QNG1: variants seen among roughly 807,000 people sequenced by gnomAD.
The protein encoded by QNG1 is queuosine 5'-phosphate N-glycosylase/hydrolase.
At chr9:83,955,363 C>CAGAAGCAACAGAAG in the QNG1 span, 1 of 1,606,814 alleles carries the variant, frequency 6.2e-7, no homozygotes, top group South Asian at 1.1e-5. Flanking sequence ...TCTAAAATCC[C>CAGAAGCAACAGAAG]CAACAGAAGC....
the QNG1 span, among the ~76,000 whole-genome samples, chr9:83,946,525 A>C: frequency 1.3e-5 from 2 of 152,218 alleles, no homozygotes; most frequent in Non-Finnish European, 2.9e-5. Flanking sequence ...ATATGAAAAT[A>C]AAATAGCCAA....
chr9:83,948,069 A>C, the QNG1 span, among the ~76,000 whole-genome samples: 3 of 148,942 alleles, frequency 2.0e-5, no homozygotes, highest in African/African-American at 7.5e-5. Flanking sequence ...AGAAGTGAGG[A>C]GCGTCTCTGC....
chr9:83,944,712 G>A, the QNG1 span: 1 of 1,088,762 alleles, frequency 9.2e-7, no homozygotes, highest in Non-Finnish European at 1.3e-6. Context: ...TTTTTTTAAA[G>A]CAAAGGAGAC....
the QNG1 span, chr9:83,955,752 C>T: frequency 1.0e-6 from 1 of 993,086 alleles, no homozygotes; most frequent in East Asian, 2.4e-5. Flanking sequence ...TATAGGAATG[C>T]ACCAAAAGTG....
the QNG1 span, chr9:83,955,587 G>A: frequency 6.2e-7 from 1 of 1,614,100 alleles, no homozygotes; most frequent in Non-Finnish European, 8.5e-7. Flanking sequence ...AGTATATTCC[G>A]AACCTGATCC....
At chr9:83,952,344 T>A in the QNG1 span, among the ~76,000 whole-genome samples, 7 of 152,238 alleles carry the variant, frequency 4.6e-5, no homozygotes, top group Non-Finnish European at 1.0e-4. Flanking sequence ...AGAAATGGTT[T>A]CTGTACCAAT....
chr9:83,949,538 C>T, the QNG1 span, among the ~76,000 whole-genome samples: 3 of 152,036 alleles, frequency 2.0e-5, no homozygotes, highest in Admixed American at 6.6e-5. Context: ...CCCAGCTACT[C>T]GGGAGGCTGA....
the QNG1 span, among the ~76,000 whole-genome samples, chr9:83,948,158 G>T: frequency 6.6e-6 from 1 of 151,128 alleles, no homozygotes; most frequent in Non-Finnish European, 1.5e-5. Flanking sequence ...GCCTCTGTCC[G>T]GCCGCGACCC....
At chr9:83,956,422 C>T in the QNG1 span, 1 of 1,580,726 alleles carries the variant, frequency 6.3e-7, no homozygotes, top group Non-Finnish European at 8.6e-7. Flanking sequence ...CTCCGTACGC[C>T]TCCGCTGTCA....
At chr9:83,943,223 C>T in the QNG1 span, among the ~76,000 whole-genome samples, 5 of 151,038 alleles carry the variant, frequency 3.3e-5, no homozygotes, top group Non-Finnish European at 7.4e-5. Flanking sequence ...GCCTGTAATC[C>T]CAACTACTCA....
chr9:83,939,524 C>T, the QNG1 span: 7 of 1,611,444 alleles, frequency 4.3e-6, no homozygotes, highest in Non-Finnish European at 5.9e-6. Flanking sequence ...ATAATATATG[C>T]AACGTATGCG....
chr9:83,948,588 G>A, the QNG1 span, among the ~76,000 whole-genome samples: 11 of 152,352 alleles, frequency 7.2e-5, no homozygotes, highest in African/African-American at 2.4e-4. Flanking sequence ...CCACGTCTGG[G>A]AGGCATGCCC....
chr9:83,943,836 AC>A, the QNG1 span, among the ~76,000 whole-genome samples: 6 of 152,078 alleles, frequency 3.9e-5, no homozygotes, highest in African/African-American at 1.4e-4. Context: ...CCTGGCTAAC[AC>A]GGTGAAACCC....
the QNG1 span, among the ~76,000 whole-genome samples, chr9:83,943,331 C>CAAAAAAAAAAAAAAAAAAAA: frequency 1.6e-5 from 1 of 62,550 alleles, no homozygotes; most frequent in African/African-American, 5.1e-5. Flanking sequence ...CAGAGCGTCT[C>CAAAAAAAAAAAAAAAAAAAA]AAAAAAAAAA....
the QNG1 span, chr9:83,938,689 TAA>T: frequency 2.4e-4 from 35 of 148,756 alleles, no homozygotes; most frequent in African/African-American, 8.7e-4. Flanking sequence ...AAAAAAAACA[TAA>T]GTCAAAACTA....
the QNG1 span, among the ~76,000 whole-genome samples, chr9:83,942,777 G>A: frequency 1.3e-5 from 2 of 152,258 alleles, no homozygotes; most frequent in South Asian, 2.1e-4. Flanking sequence ...AACTAGCTAC[G>A]GATAGGAGAG....
At chr9:83,953,338 A>G in the QNG1 span, among the ~76,000 whole-genome samples, 1 of 151,600 alleles carries the variant, frequency 6.6e-6, no homozygotes, top group Admixed American at 6.6e-5. Flanking sequence ...CACTAATACA[A>G]TTGAATTCTT....
At chr9:83,943,597 G>A in the QNG1 span, among the ~76,000 whole-genome samples, 1 of 152,122 alleles carries the variant, frequency 6.6e-6, no homozygotes, top group Non-Finnish European at 1.5e-5. Flanking sequence ...GATTGCCCAT[G>A]GCAGCATAAA....
the QNG1 span, among the ~76,000 whole-genome samples, chr9:83,941,994 A>G: frequency 1.3e-5 from 2 of 152,126 alleles, no homozygotes; most frequent in Non-Finnish European, 2.9e-5. Context: ...GCTACAAACC[A>G]AGGAATGTCA....
Sources: gnomAD v4.1 joint callset for allele counts (sites outside exome capture counted in the v4.1 genomes callset) on GRCh38, gnomAD v4.1.1 for gene constraint, MANE v1.5 for transcripts, NCBI Gene and HGNC (gene_info 2026-07-23, HGNC 2026-07-21) for gene names.